The following DET1 variants were observed in gnomAD, a reference collection of about 807,000 sequenced individuals.
DET1 encodes DET1 homolog.
In DET1, 22 loss-of-function variants were observed where a neutral mutation model predicts 43.7. The ratio of observed to expected loss-of-function variants is 0.50; its 90% CI spans 0.36 to 0.72. The LOEUF is 0.72. Ranked by LOEUF, DET1 falls within the 30% of genes least tolerant of loss-of-function variation. The pLI, the probability that DET1 is intolerant of heterozygous loss-of-function variation, is 0.00. For missense variants in DET1, 713 were observed against 713.3 expected (o/e 1.00, Z 0.00); for synonymous variants, 315 against 266.2 (o/e 1.18, Z -1.79).
At chr15:88,512,349 A>G (rs1031094061), downstream of DET1, 3 of 985,328 alleles carry the variant, frequency 3.0e-6, no homozygotes, top group Non-Finnish European at 3.6e-6. Context: ...GTTGGCACTT[A>G]CCACTTAGTT....
At chr15:88,544,830 TCTC>T (rs2142353858) in intron 1 of DET1, among the ~76,000 whole-genome samples, 1 of 152,194 alleles carries the variant, frequency 6.6e-6, no homozygotes, top group East Asian at 1.9e-4. Flanking sequence ...TCTAAGGAAG[TCTC>T]CTTTGCAGTT....
intron 7 of DET1, among the ~76,000 whole-genome samples, chr15:88,506,113 G>T (rs1370109544): frequency 1.3e-5 from 2 of 152,194 alleles, no homozygotes; most frequent in Non-Finnish European, 1.5e-5. Context: ...TTTACAGAGA[G>T]GGGAGAAGGC....
chr15:88,516,778 G>A lies in DET1; in HGVS notation c.1463+4C>T, dbSNP rs1370087075. The A allele has an allele frequency of 6.4e-7, 1 of 1,569,840 alleles. No homozygotes were observed. Among genetic ancestry groups the A allele is most frequent in the South Asian group, 1.2e-5 (1 of 83,370 alleles). ...AGTTTGTAGCTATAGCAGTGACACT[G>A]TACCTGATTGGGTGATCTCCACAAG... On this transcript the variant is annotated splice_donor_region_variant and intron_variant, in intron 4 of 4. Coordinates refer to ENST00000268148, the MANE Select transcript of DET1 (RefSeq NM_001144074.3). The surrounding 1 kb of genome is among the most constrained non-coding windows in gnomAD (Gnocchi z 4.4).
chr15:88,540,944 C>A (rs2057090111), intron 1 of DET1, among the ~76,000 whole-genome samples: 2 of 71,058 alleles, frequency 2.8e-5, no homozygotes, highest in East Asian at 4.0e-4. Context: ...AGGGAAAGAC[C>A]TGACCGTCCC....
At chr15:88,544,279 A>T (rs2057188515) in intron 1 of DET1, among the ~76,000 whole-genome samples, 1 of 152,164 alleles carries the variant, frequency 6.6e-6, no homozygotes, top group African/African-American at 2.4e-5. Flanking sequence ...TACAAAATTA[A>T]TTTTAAAAAC....
downstream of DET1, among the ~76,000 whole-genome samples, chr15:88,509,328 G>A (rs1450302675): frequency 1.3e-5 from 2 of 152,154 alleles, no homozygotes; most frequent in Non-Finnish European, 2.9e-5. Flanking sequence ...CTGAAGGAGG[G>A]GTTTTGAAGT....
intron 3 of DET1, among the ~76,000 whole-genome samples, chr15:88,525,723 A>G (rs1476398691): frequency 6.6e-6 from 1 of 151,696 alleles, no homozygotes; most frequent in African/African-American, 2.4e-5. Context: ...GTGCAGTGGC[A>G]TGCTCATGGC....
At chr15:88,509,493 A>T (rs2056174934), downstream of DET1, among the ~76,000 whole-genome samples, 1 of 152,216 alleles carries the variant, frequency 6.6e-6, no homozygotes, top group Non-Finnish European at 1.5e-5. Context: ...TTCTGCAGCT[A>T]TTTTCAGCTG....
chr15:88,513,092 C>T lies in DET1; in HGVS notation c.1512G>A (p.Gly504=). ...SGLLKFEIQA[G]LLGRPINHTV... ...TGTGGTTGATGGGGCGGCCCAATAA[C>T]CCCGCCTGGATCTCAAACTTGAGCA... is the stretch of plus-strand genomic sequence containing the variant. Residue 504 remains glycine (G), a synonymous_variant, in exon 5 of 5, where the codon GGG becomes GGA. Transcript: ENST00000268148. 1 of 1,613,906 alleles carries T rather than the reference C, an allele frequency of 6.2e-7. No homozygotes were observed.
In DET1 at chr15:88,531,083, G is replaced by A. The variant is rs766383277; in HGVS notation, c.623C>T (p.Thr208Met). The A allele has an allele frequency of 1.5e-5, 25 of 1,613,976 alleles. No homozygotes were observed. The highest frequency in any genetic ancestry group is 9.9e-5 in the South Asian group (9 of 91,082). Residue 208 changes from threonine (T) to methionine (M), a missense_variant, in exon 2 of 5, where the codon ACG becomes ATG. Transcript: ENST00000268148. The surrounding 1 kb of genome is among the most constrained non-coding windows in gnomAD (Gnocchi z 6.2). ...CAAGACCACCTTGTCACACTTGAAC[G>A]TGCGTGTATCACATAAGCGGCCGGT... ...LHTGRLCDTR[T>M]FKCDKVVLSH...
intron 1 of DET1, among the ~76,000 whole-genome samples, chr15:88,545,482 A>C (rs1487909550): frequency 6.6e-6 from 1 of 152,208 alleles, no homozygotes; most frequent in East Asian, 1.9e-4. Flanking sequence ...ACGAGAAAAT[A>C]ACATCCCCTG....
chr15:88,521,934 A>C (rs564889197), intron 3 of DET1, among the ~76,000 whole-genome samples: 1 of 150,816 alleles, frequency 6.6e-6, no homozygotes, highest in Non-Finnish European at 1.5e-5. Context: ...ATAAAGGTTT[A>C]ATTTTTCTTG....
intron 1 of DET1, among the ~76,000 whole-genome samples, chr15:88,542,982 G>A (rs1213087697): frequency 1.3e-5 from 2 of 152,184 alleles, no homozygotes; most frequent in Non-Finnish European, 2.9e-5. Flanking sequence ...GTCATCTCTG[G>A]ATATTGGGGT....
intron 1 of DET1, among the ~76,000 whole-genome samples, chr15:88,532,375 T>C (rs1555429624): frequency 6.6e-6 from 1 of 152,200 alleles, no homozygotes; most frequent in African/African-American, 2.4e-5. Flanking sequence ...GCTGTTAAGA[T>C]ATCCATATTA....
chr15:88,527,329 T>C (rs1187413681), intron 3 of DET1, among the ~76,000 whole-genome samples: 1 of 152,238 alleles, frequency 6.6e-6, no homozygotes, highest in Admixed American at 6.5e-5. Flanking sequence ...TGCTTGACAG[T>C]GTACCACTGA....
chr15:88,539,143 T>C (rs1316177518), intron 1 of DET1, among the ~76,000 whole-genome samples: 2 of 151,294 alleles, frequency 1.3e-5, no homozygotes, highest in East Asian at 3.9e-4. Context: ...TCTTGGAGAA[T>C]CTCCAGGAAA....
exon 8 of DET1, chr15:88,503,985 A>C (rs2056113142): frequency 8.8e-6 from 1 of 113,430 alleles, no homozygotes. Flanking sequence ...ACAGAAGGAG[A>C]CCCTGTCTTA....
At chr15:88,532,354 AT>A (rs2056837701) in intron 1 of DET1, among the ~76,000 whole-genome samples, 1 of 152,180 alleles carries the variant, frequency 6.6e-6, no homozygotes, top group Non-Finnish European at 1.5e-5. Flanking sequence ...CCAGCAAAAA[AT>A]ATTTATTGGG....
At position 88,527,603 on chromosome 15, in the gene DET1, G is replaced by A. The variant is rs569976232; in HGVS notation, c.1267C>T (p.Arg423Cys). ...SSNNFARQIQ[R>C]RFKDTIINAK... is the part of the protein sequence containing the mutation. ...GAGTCTGGTGGAACAGCTTACCGGC[G>A]CTGGATCTGCCTTGCAAAATTGTTG... is the stretch of plus-strand genomic sequence containing the variant. Residue 423 changes from arginine to cysteine, a missense_variant, in exon 3 of 5, where the codon CGC becomes TGC. Arg to Cys is a radical substitution (Grantham distance 180). Transcript: ENST00000268148. 2.1e-5 allele frequency: 33 copies of A among 1,598,698 alleles called. No individual in the cohort carries two copies. Among genetic ancestry groups the A allele is most frequent in the East Asian group, 9.0e-5 (4 of 44,296 alleles).
Sources: gnomAD v4.1 joint callset for allele counts (sites outside exome capture counted in the v4.1 genomes callset) on GRCh38, gnomAD v4.1.1 for gene constraint, Gnocchi (gnomAD v3.1) non-coding constraint, MANE v1.5 for transcripts, NCBI Gene and HGNC (gene_info 2026-07-23, HGNC 2026-07-21) for gene names.